UQCRC1: variants seen among roughly 807,000 people sequenced by gnomAD.
The protein encoded by UQCRC1 is cytochrome b-c1 complex subunit 1, mitochondrial.
Under a neutral mutation model 58.0 loss-of-function variants are expected in UQCRC1, and 34 were observed. The ratio of observed to expected loss-of-function variants is 0.59; its 90% CI spans 0.45 to 0.78. The LOEUF (loss-of-function observed/expected upper bound fraction) is 0.78. Ranked by LOEUF, UQCRC1 falls within the 30% of genes least tolerant of loss-of-function variation. The probability of loss-of-function intolerance (pLI) is 0.00; values close to 1 mark genes in which losing one functional copy is unlikely to be tolerated. For synonymous variants in UQCRC1, 276 were observed against 248.8 expected (o/e 1.11, Z -1.03); for missense variants, 610 against 646.0 (o/e 0.94, Z 0.60).
intron 2 of UQCRC1, among the ~76,000 whole-genome samples, chr3:48,608,929 G>T (rs1389395200): frequency 6.6e-6 from 1 of 152,152 alleles, no homozygotes; most frequent in African/African-American, 2.4e-5. Flanking sequence ...AAAGAATTTG[G>T]CCGCCTACTT....
chr3:48,609,001 C>T (rs544783936), intron 2 of UQCRC1, among the ~76,000 whole-genome samples, 161 bp downstream of exon 2: 1 of 152,074 alleles, frequency 6.6e-6, no homozygotes, highest in Non-Finnish European at 1.5e-5. Flanking sequence ...GAAGCCAAGG[C>T]GTGGCTAGGG....
Position 48,608,178 on chromosome 3 carries a change from T to C in UQCRC1, c.210+984A>G, listed in dbSNP as rs533690152. On this transcript the variant is annotated intron_variant, in intron 2 of 12. Coordinates refer to ENST00000203407, the MANE Select transcript of UQCRC1 (RefSeq NM_003365.3). ...CATCCTTCCAAGTCTTCACTGTCCATCATTCCACTCTCTACATCTGTATGT... is the reference window on the plus strand; with the variant it reads ...CATCCTTCCAAGTCTTCACTGTCCACCATTCCACTCTCTACATCTGTATGT... Among the ~76,000 whole-genome samples the C allele has an allele frequency of 2.0e-5, 3 of 152,352 alleles. No individual in the cohort carries two copies. In the East Asian group the frequency reaches 5.8e-4, roughly 29 times the overall value.
In UQCRC1 at chr3:48,600,696, C is replaced by G. The variant is rs776218304; in HGVS notation, c.1111G>C (p.Val371Leu). The G allele has an allele frequency of 6.2e-7, 1 of 1,614,048 alleles. No individual in the cohort carries two copies. The highest frequency in any genetic ancestry group is 1.1e-5 in the South Asian group (1 of 91,094). The change falls in exon 9 of 13, where the codon GTC becomes CTC. Residue 371 changes from valine (V) to leucine (L), a missense_variant. Coordinates refer to ENST00000203407, the MANE Select transcript of UQCRC1 (RefSeq NM_003365.3). ...DRMKIDDMMF[V>L]LQGQWMRLCT... is the part of the protein sequence containing the mutation. ...GCCACTTACCACTGCCCTTGCAGGACGAACATCATGTCATCGATTTTCATT... is the reference window on the plus strand; with the variant it reads ...GCCACTTACCACTGCCCTTGCAGGAGGAACATCATGTCATCGATTTTCATT...
At chr3:48,608,323 T>C (rs1300597404) in intron 2 of UQCRC1, among the ~76,000 whole-genome samples, 1 of 152,244 alleles carries the variant, frequency 6.6e-6, no homozygotes, top group Non-Finnish European at 1.5e-5. Flanking sequence ...ACATCTAACA[T>C]CTTGGAATGC....
At chr3:48,601,867 C>T (rs1335605942) in intron 6 of UQCRC1, among the ~76,000 whole-genome samples, 1 of 152,162 alleles carries the variant, frequency 6.6e-6, no homozygotes, top group Non-Finnish European at 1.5e-5. Context: ...GCTGCTGGCC[C>T]TGCAGGGGGT....
In UQCRC1 at chr3:48,600,977, C is replaced by A; in HGVS notation, c.964G>T (p.Val322Leu). Reference sequence around the variant, plus strand: ...CCCATGCTCGCGCTGGCACTCACCACGCCACCACCATAAGTGCAGTCATAG... The same window carrying A: ...CCCATGCTCGCGCTGGCACTCACCAAGCCACCACCATAAGTGCAGTCATAG... ...GHYDCTYGGGVHLSSPLASGA... is the reference protein window; with the variant it reads ...GHYDCTYGGGLHLSSPLASGA... The change falls in exon 8 of 13, where the codon GTG becomes TTG. Residue 322 changes from valine (V) to leucine (L), a missense_variant and splice_region_variant. Physicochemically the swap from Val to Leu is conservative, Grantham distance 32. Transcript: ENST00000203407. The A allele has an allele frequency of 1.2e-6, 2 of 1,603,302 alleles. No homozygotes were observed. The highest frequency in any genetic ancestry group is 1.1e-5 in the South Asian group (1 of 90,458).
intron 6 of UQCRC1, among the ~76,000 whole-genome samples, chr3:48,602,229 T>C (rs908387795): frequency 6.6e-6 from 1 of 151,954 alleles, no homozygotes; most frequent in Admixed American, 6.5e-5. Flanking sequence ...TTTTTTGTAT[T>C]TTCAGTAGAG....
intron 5 of UQCRC1, chr3:48,603,989 A>AAG: frequency 1.7e-6 from 1 of 594,370 alleles, no homozygotes; most frequent in Non-Finnish European, 3.0e-6. Flanking sequence ...ACACCCAGAC[A>AAG]CTTCGCCCTT....
chr3:48,600,773 C>A lies in UQCRC1; in HGVS notation c.1034G>T (p.Ser345Ile). 1.2e-6 allele frequency: 2 copies of A among 1,614,164 alleles called. No homozygotes were observed. Among genetic ancestry groups the A allele is most frequent in the Non-Finnish European group, 8.5e-7 (1 of 1,180,044 alleles). Residue 345 changes from serine to isoleucine, a missense_variant, in exon 9 of 13, where the codon AGC becomes ATC. Physicochemically the swap from Ser to Ile is moderately radical, Grantham distance 142. Coordinates refer to ENST00000203407, the MANE Select transcript of UQCRC1 (RefSeq NM_003365.3). ...CAAGCCCGTCTCTGCATAGCAGATGCTGAAGGTCTGGAAACTCTGGCATAG... is the reference window on the plus strand; with the variant it reads ...CAAGCCCGTCTCTGCATAGCAGATGATGAAGGTCTGGAAACTCTGGCATAG... ...NKLCQSFQTFSICYAETGLLG... is the reference protein window; with the variant it reads ...NKLCQSFQTFIICYAETGLLG...
At chr3:48,600,879 CTTCAA>C (rs2046358413) in intron 8 of UQCRC1, 39 bp from the exon 9 acceptor site, 1 of 1,612,836 alleles carries the variant, frequency 6.2e-7, no homozygotes, top group Non-Finnish European at 8.5e-7. Context: ...ACCCTCTTGT[CTTCAA>C]CGCACACTGT....
At position 48,609,170 on chromosome 3, in the gene UQCRC1, T is replaced by A; in HGVS notation, c.202A>T (p.Thr68Ser). 6.2e-7 allele frequency: 1 copy of A among 1,607,132 alleles called. No homozygotes were observed. The highest frequency in any genetic ancestry group is 8.5e-7 in the Non-Finnish European group (1 of 1,175,134). ...RVASEQSSQP[T>S]CTVGVWIDVG... ...AAGCGTCCCCAACTCACCGTGCAAG[T>A]GGGCTGAGAGGACTGCTCGGAGGCC... The change falls in exon 2 of 13, where the codon ACT becomes TCT. Residue 68 changes from threonine to serine, a missense_variant. Transcript: ENST00000203407.
At position 48,609,580 on chromosome 3, in the gene UQCRC1, GC is replaced by G; in HGVS notation, c.40del (p.Ala14HisfsTer154). On this transcript the variant is annotated frameshift_variant, in exon 1 of 13. Coordinates refer to ENST00000203407, the MANE Select transcript of UQCRC1 (RefSeq NM_003365.3). LOFTEE classifies it high-confidence loss of function. The stretch of plus-strand genomic sequence containing the variant: ...GCGGCGGGCGCGCAATAGCACTTGT[GC>G]CCCGGCGGTAGCGGCCCGACAGACC... Reference protein sequence around the residue: ...SVVCRAATAGAQVLLRARRSP... With the variant: ...SVVCRAATAGXQVLLRARRSP... 6.4e-7 allele frequency: 1 copy of G among 1,571,330 alleles called. No individual in the cohort carries two copies. Among genetic ancestry groups the G allele is most frequent in the Non-Finnish European group, 8.6e-7 (1 of 1,163,474 alleles).
Position 48,600,493 on chromosome 3 carries a change from G to A in UQCRC1, c.1202C>T (p.Ser401Phe), listed in dbSNP as rs2046353948. ...GKNILRNALV[S>F]HLDGTTPVCE... ...GCTGTAGGACTCACCATCTAGATGA[G>A]ATACCAGGGCATTTCTGAGGATGTT... is the stretch of plus-strand genomic sequence containing the variant. Residue 401 changes from serine (S) to phenylalanine (F), a missense_variant, in exon 10 of 13, where the codon TCT becomes TTT. Ser to Phe is a radical substitution (Grantham distance 155). Transcript: ENST00000203407. 2 of 1,613,992 alleles carry A rather than the reference G, an allele frequency of 1.2e-6. No individual in the cohort carries two copies. Among genetic ancestry groups the A allele is most frequent in the Non-Finnish European group, 1.7e-6 (2 of 1,180,026 alleles).
intron 6 of UQCRC1, 34 bp downstream of exon 6, chr3:48,603,530 C>T: frequency 6.2e-7 from 1 of 1,609,336 alleles, no homozygotes; most frequent in Non-Finnish European, 8.5e-7. Flanking sequence ...GCTGGGACCC[C>T]ACTACCCAGG....
intron 3 of UQCRC1, among the ~76,000 whole-genome samples, chr3:48,605,127 C>T (rs1354610068): frequency 6.6e-6 from 1 of 152,170 alleles, no homozygotes; most frequent in Non-Finnish European, 1.5e-5. Flanking sequence ...TCAGGTAAGC[C>T]CACACCTGTG....
chr3:48,599,072 G>T lies in UQCRC1; in HGVS notation c.*56C>A. ...GAGGAGCCGAAGTGCTGTGTTTGTGGTGGGGGGGGGACCACAAACCCCGGC... is the reference window on the plus strand; with the variant it reads ...GAGGAGCCGAAGTGCTGTGTTTGTGTTGGGGGGGGGACCACAAACCCCGGC... On this transcript the variant is annotated 3_prime_UTR_variant, in exon 13 of 13. Transcript: ENST00000203407. The T allele has an allele frequency of 1.3e-6, 2 of 1,594,816 alleles. No individual in the cohort carries two copies. Among genetic ancestry groups the T allele is most frequent in the South Asian group, 2.2e-5 (2 of 90,002 alleles).
At position 48,603,565 on chromosome 3, in the gene UQCRC1, T is replaced by A; in HGVS notation, c.705A>T (p.Gly235=). 1 of 1,613,622 alleles carries A rather than the reference T, an allele frequency of 6.2e-7. No homozygotes were observed. The highest frequency in any genetic ancestry group is 1.1e-5 in the South Asian group (1 of 91,000). ...KAPRMVLAAA[G]GVEHQQLLDL... is the part of the protein sequence containing the mutation. ...GACTTCAGTGATTCCATCACTCACC[T>A]CCAGCTGCTGCCAGCACCATTCGAG... The change falls in exon 6 of 13, where the codon GGA becomes GGT. Residue 235 remains glycine (G), a splice_region_variant and synonymous_variant. Coordinates refer to ENST00000203407, the MANE Select transcript of UQCRC1 (RefSeq NM_003365.3).
rs762706296 is a variant in UQCRC1, at chr3:48,600,495, T to C, written c.1200A>G (p.Val400=). ...RGKNILRNAL[V]SHLDGTTPVC... is the part of the protein sequence containing the mutation. ...TGTAGGACTCACCATCTAGATGAGATACCAGGGCATTTCTGAGGATGTTTT... is the reference window on the plus strand; with the variant it reads ...TGTAGGACTCACCATCTAGATGAGACACCAGGGCATTTCTGAGGATGTTTT... The change falls in exon 10 of 13, where the codon GTA becomes GTG. Residue 400 remains valine (V), a synonymous_variant. Coordinates refer to ENST00000203407, the MANE Select transcript of UQCRC1 (RefSeq NM_003365.3). 2.2e-5 allele frequency: 35 copies of C among 1,614,030 alleles called. No individual in the cohort carries two copies. In the East Asian group the frequency reaches 6.0e-4, roughly 28 times the overall value.
Position 48,604,399 on chromosome 3 carries a change from A to G in UQCRC1, c.460T>C (p.Cys154Arg), listed in dbSNP as rs779715384. Reference protein sequence around the residue: ...VELLGDIVQNCSLEDSQIEKE... With the variant: ...VELLGDIVQNRSLEDSQIEKE... ...TCAATCTGTGAGTCTTCCAGACTAC[A>G]GTTCTGCACAATGTCACCCAGGAGC... Residue 154 changes from cysteine to arginine, a missense_variant, in exon 5 of 13, where the codon TGT becomes CGT. Coordinates refer to ENST00000203407, the MANE Select transcript of UQCRC1 (RefSeq NM_003365.3). 1 of 1,614,196 alleles carries G rather than the reference A, an allele frequency of 6.2e-7. No individual in the cohort carries two copies. Among genetic ancestry groups the G allele is most frequent in the Non-Finnish European group, 8.5e-7 (1 of 1,180,046 alleles).
Sources: allele counts gnomAD v4.1 joint callset (sites outside exome capture counted in the v4.1 genomes callset), GRCh38; gene constraint gnomAD v4.1.1; transcripts MANE v1.5; gene names NCBI Gene and HGNC (gene_info 2026-07-23, HGNC 2026-07-21).